The following ANKRD13C variants were observed in gnomAD, a reference collection of about 807,000 sequenced individuals.
ANKRD13C encodes the protein ankyrin repeat domain 13C.
In ANKRD13C, 16 loss-of-function variants were observed where a neutral mutation model predicts 65.5. The ratio of observed to expected loss-of-function variants is 0.24; its 90% CI spans 0.17 to 0.37. ANKRD13C has a LOEUF of 0.37. Ranked by LOEUF, ANKRD13C falls within the 10% of genes least tolerant of loss-of-function variation. ANKRD13C has a pLI of 1.00. For synonymous variants in ANKRD13C, 235 were observed against 238.7 expected, an observed-to-expected ratio of 0.98 and a Z score of 0.14; for missense variants, 503 against 655.9, an observed-to-expected ratio of 0.77 and a Z score of 2.55.
intron 12 of ANKRD13C, among the ~76,000 whole-genome samples, chr1:70,264,186 G>GA (rs1406687770): frequency 6.6e-6 from 1 of 151,934 alleles, no homozygotes; most frequent in African/African-American, 2.4e-5. Context: ...TTCATGAAGT[G>GA]AAAATTAGGC....
intron 3 of ANKRD13C, among the ~76,000 whole-genome samples, chr1:70,317,905 T>C (rs1047818188): frequency 6.6e-6 from 1 of 152,220 alleles, no homozygotes; most frequent in Admixed American, 6.5e-5. Context: ...AGCCTGATTT[T>C]ATTAACTAAA....
chr1:70,300,675 C>T, intron 7 of ANKRD13C, 89 bp downstream of exon 7: 1 of 1,277,184 alleles, frequency 7.8e-7, no homozygotes, highest in African/African-American at 1.5e-5. Flanking sequence ...ATACCTTAAG[C>T]TTTTAAGCAA....
chr1:70,353,971 C>T lies in ANKRD13C; in HGVS notation c.430+8G>A. On this transcript the variant is annotated splice_region_variant and intron_variant, in intron 1 of 12. Coordinates refer to ENST00000370944, the MANE Select transcript of ANKRD13C (RefSeq NM_030816.5). ...GGAGAGAGGTGGAGAGGGGCTAGCA[C>T]TCCTCACCGTGATTATCTTTCTGCC... 6.6e-7 allele frequency: 1 copy of T among 1,522,996 alleles called. No homozygotes were observed. Among genetic ancestry groups the T allele is most frequent in the Middle Eastern group, 1.8e-4 (1 of 5,626 alleles). The allele number at this position is 1,522,996 out of a possible 1,614,324, so 94.3% of individuals were successfully genotyped here.
Position 70,354,462 on chromosome 1 carries a change from G to C in ANKRD13C, c.-54C>G. 3 of 1,550,864 alleles carry C rather than the reference G, an allele frequency of 1.9e-6. No homozygotes were observed. Among genetic ancestry groups the C allele is most frequent in the Non-Finnish European group, 1.7e-6 (2 of 1,150,772 alleles). ...CGGGAGGCTCACCGCTGGCGACGGA[G>C]CTGGCGCTGCGGCGGCACAAGGCGA... On this transcript the variant is annotated 5_prime_UTR_variant, in exon 1 of 13. Transcript: ENST00000370944.
intron 12 of ANKRD13C, among the ~76,000 whole-genome samples, chr1:70,266,059 A>G (rs553349358): frequency 1.3e-5 from 2 of 152,252 alleles, no homozygotes; most frequent in East Asian, 1.9e-4. Context: ...ATAGTAAAAC[A>G]TGATGAATAT....
chr1:70,314,525 G>T (rs764107836), intron 4 of ANKRD13C, among the ~76,000 whole-genome samples: 1 of 151,104 alleles, frequency 6.6e-6, no homozygotes. Context: ...ATGCCTGGCC[G>T]AAAAAAAATT....
chr1:70,271,518 T>C (rs1442428867), intron 11 of ANKRD13C, among the ~76,000 whole-genome samples: 2 of 152,230 alleles, frequency 1.3e-5, no homozygotes, highest in Non-Finnish European at 2.9e-5. Flanking sequence ...GCTACGTTTC[T>C]TGAATTCTTT....
intron 3 of ANKRD13C, among the ~76,000 whole-genome samples, chr1:70,318,832 G>A (rs1220091415): frequency 4.6e-5 from 7 of 151,930 alleles, no homozygotes; most frequent in African/African-American, 1.7e-4. Context: ...ACAGGTGTGC[G>A]CCACCATGCC....
intron 2 of ANKRD13C, among the ~76,000 whole-genome samples, chr1:70,333,843 T>C (rs1044540550): frequency 6.6e-6 from 1 of 152,154 alleles, no homozygotes; most frequent in African/African-American, 2.4e-5. Flanking sequence ...CCTCCAAACA[T>C]CTTGGTTCCC....
At chr1:70,316,321 T>C (rs1010336796) in intron 3 of ANKRD13C, among the ~76,000 whole-genome samples, 1 of 152,178 alleles carries the variant, frequency 6.6e-6, no homozygotes, top group African/African-American at 2.4e-5. Context: ...TTAGTGGTTG[T>C]GGGTAAACTT....
chr1:70,335,019 ACAG>A (rs1314937554), intron 2 of ANKRD13C, among the ~76,000 whole-genome samples: 2 of 152,166 alleles, frequency 1.3e-5, no homozygotes, highest in African/African-American at 2.4e-5. Context: ...TATAACAACA[ACAG>A]ATGTTCATAA....
At chr1:70,280,424 T>C (rs897144784) in intron 9 of ANKRD13C, among the ~76,000 whole-genome samples, 17 of 152,188 alleles carry the variant, frequency 1.1e-4, no homozygotes, top group Non-Finnish European at 2.1e-4. Context: ...TGTGTCTAGT[T>C]GTATGAGTAG....
chr1:70,262,959 A>AAAAAT, intron 12 of ANKRD13C, 112 bp from the exon 13 acceptor site: 1 of 853,102 alleles, frequency 1.2e-6, no homozygotes, highest in Non-Finnish European at 1.7e-6. Context: ...AAAAAAAAAA[A>AAAAAT]ATACTCAAGA....
At chr1:70,306,827 C>A (rs1418748789) in intron 5 of ANKRD13C, among the ~76,000 whole-genome samples, 1 of 152,164 alleles carries the variant, frequency 6.6e-6, no homozygotes, top group African/African-American at 2.4e-5. Flanking sequence ...TACTATTTAT[C>A]TATAGATTTC....
chr1:70,304,441 G>C (rs1375240330), intron 6 of ANKRD13C, among the ~76,000 whole-genome samples: 1 of 151,784 alleles, frequency 6.6e-6, no homozygotes, highest in Non-Finnish European at 1.5e-5. Context: ...CTGTTGCCCA[G>C]GCTAAAGTGC....
At position 70,311,369 on chromosome 1, in the gene ANKRD13C, G is replaced by C. The variant is rs575006094; in HGVS notation, c.709+2376C>G. On this transcript the variant is annotated intron_variant, in intron 5 of 12. Transcript: ENST00000370944. ...ACATGCATGTAGTCCCAGCTACTCGGGAGGCTGAGGTGTTAGGATCACTTG... is the reference window on the plus strand; with the variant it reads ...ACATGCATGTAGTCCCAGCTACTCGCGAGGCTGAGGTGTTAGGATCACTTG... Among the ~76,000 whole-genome samples the C allele has an allele frequency of 3.9e-5, 6 of 152,236 alleles. No individual in the cohort carries two copies. In the East Asian group the frequency reaches 1.2e-3, roughly 29 times the overall value.
chr1:70,277,144 G>A (rs1679176162), intron 9 of ANKRD13C, among the ~76,000 whole-genome samples: 1 of 152,092 alleles, frequency 6.6e-6, no homozygotes, highest in Non-Finnish European at 1.5e-5. Flanking sequence ...TGCTGAACAT[G>A]GAACTACAGA....
intron 2 of ANKRD13C, among the ~76,000 whole-genome samples, chr1:70,326,434 C>T (rs1681549489): frequency 6.6e-6 from 1 of 151,728 alleles, no homozygotes; most frequent in African/African-American, 2.4e-5. Context: ...AAAAATAATG[C>T]AAGATAATGA....
chr1:70,292,776 A>C (rs556831327), intron 8 of ANKRD13C, among the ~76,000 whole-genome samples: 6 of 152,338 alleles, frequency 3.9e-5, no homozygotes, highest in African/African-American at 1.4e-4. Flanking sequence ...GTAAAGAGAA[A>C]TTTAAAATAC....
Sources: allele counts gnomAD v4.1 joint callset (sites outside exome capture counted in the v4.1 genomes callset), GRCh38; gene constraint gnomAD v4.1.1; transcripts MANE v1.5; gene names NCBI Gene and HGNC (gene_info 2026-07-23, HGNC 2026-07-21).